Variants in METTL8 observed in about 807,000 individuals in gnomAD.
METTL8 encodes the protein tRNA N(3)-cytidine methyltransferase METTL8, mitochondrial.
A neutral mutation model predicts 48.7 loss-of-function variants in METTL8; 32 were observed. The observed-to-expected ratio is 0.66, with a 90% CI of 0.50 to 0.88. The LOEUF (loss-of-function observed/expected upper bound fraction) is 0.88. METTL8 is among the 40% of genes least tolerant of loss of function. The pLI is 0.00. For missense variants in METTL8, 464 were observed against 474.4 expected (o/e 0.98, Z 0.20); for synonymous variants, 136 against 157.1 (o/e 0.87, Z 1.01).
At chr2:171,388,098 T>A (rs181921393) in intron 2 of METTL8, among the ~76,000 whole-genome samples, 1 of 152,304 alleles carries the variant, frequency 6.6e-6, no homozygotes, top group African/African-American at 2.4e-5. Flanking sequence ...ACAAATACAT[T>A]TACCTCTTGA....
chr2:171,357,570 T>G (rs1684720102), intron 3 of METTL8, among the ~76,000 whole-genome samples: 1 of 152,126 alleles, frequency 6.6e-6, no homozygotes, highest in African/African-American at 2.4e-5. Context: ...TGCTGATGAG[T>G]CCAAATAATT....
intron 2 of METTL8, among the ~76,000 whole-genome samples, chr2:171,367,346 T>A (rs1685832289): frequency 6.6e-6 from 1 of 152,044 alleles, no homozygotes; most frequent in Non-Finnish European, 1.5e-5. Flanking sequence ...ACAATCATAA[T>A]GAAGGCAAGA....
intron 3 of METTL8, among the ~76,000 whole-genome samples, chr2:171,356,536 T>C (rs1429775850): frequency 6.6e-6 from 1 of 152,268 alleles, no homozygotes; most frequent in Non-Finnish European, 1.5e-5. Context: ...AACTGTATAT[T>C]TGTACCCATT....
At chr2:171,432,264 T>C (rs1404388469) in intron 1 of METTL8, among the ~76,000 whole-genome samples, 1 of 151,158 alleles carries the variant, frequency 6.6e-6, no homozygotes, top group African/African-American at 2.4e-5. Flanking sequence ...AAGGCAGAAA[T>C]TAAGAGACTA....
intron 5 of METTL8, among the ~76,000 whole-genome samples, chr2:171,335,635 G>A (rs999324167): frequency 6.6e-6 from 1 of 152,110 alleles, no homozygotes; most frequent in African/African-American, 2.4e-5. Context: ...ATGTTGGCCA[G>A]GCTGGTCTCA....
Position 171,356,961 on chromosome 2 carries a change from T to TTTTTGTTTTG in METTL8, c.235+3460_235+3461insCAAAACAAAA. Among the ~76,000 whole-genome samples the TTTTTGTTTTG allele has an allele frequency of 1.6e-5, 2 of 127,358 alleles. 1 individual carries two copies. The highest frequency in any genetic ancestry group is 1.6e-4 in the Admixed American group (2 of 12,284). 83.6% of individuals were successfully genotyped at this position (127,358 alleles called of 152,430 possible). ...CTTGTTCAAAGACAATATTTTTTTTTTTTTTTTTGAGACAGGGTCTTACTC... is the reference window on the plus strand; with the variant it reads ...CTTGTTCAAAGACAATATTTTTTTTTTTTTGTTTTGTTTTTTTTGAGACAGGGTCTTACTC... On this transcript the variant is annotated intron_variant, in intron 3 of 9. Transcript: ENST00000375258.
chr2:171,328,278 AT>A (rs1685167643), intron 7 of METTL8, among the ~76,000 whole-genome samples: 1 of 152,148 alleles, frequency 6.6e-6, no homozygotes, highest in Non-Finnish European at 1.5e-5. Context: ...GCTCTGTAAT[AT>A]TTTGTATTTT....
intron 3 of METTL8, among the ~76,000 whole-genome samples, chr2:171,353,553 A>C (rs1301097372): frequency 6.6e-6 from 1 of 152,092 alleles, no homozygotes; most frequent in Admixed American, 6.5e-5. Context: ...GATCTGTCTA[A>C]TGTTGACAGT....
intron 2 of METTL8, among the ~76,000 whole-genome samples, chr2:171,381,393 A>G (rs1687521251): frequency 6.6e-6 from 1 of 152,230 alleles, no homozygotes; most frequent in Non-Finnish European, 1.5e-5. Flanking sequence ...AACAAAAGCC[A>G]AAGTTGACAA....
chr2:171,360,356 T>A, intron 3 of METTL8, 66 bp downstream of exon 3: 1 of 1,338,412 alleles, frequency 7.5e-7, no homozygotes, highest in Non-Finnish European at 1.1e-6. Flanking sequence ...TCAGAAGCAA[T>A]GACACGAGGA....
chr2:171,401,871 C>T (rs1689683059), intron 1 of METTL8, among the ~76,000 whole-genome samples: 1 of 152,082 alleles, frequency 6.6e-6, no homozygotes. Flanking sequence ...AAAGTAAATC[C>T]TTTTGTATTT....
At chr2:171,394,476 G>A (rs897621095) in intron 1 of METTL8, among the ~76,000 whole-genome samples, 4 of 152,134 alleles carry the variant, frequency 2.6e-5, no homozygotes, top group Admixed American at 6.6e-5. Context: ...AACCAGATTG[G>A]ATTATTAGGC....
chr2:171,378,790 C>G (rs1430342014), intron 2 of METTL8, among the ~76,000 whole-genome samples: 1 of 152,154 alleles, frequency 6.6e-6, no homozygotes, highest in African/African-American at 2.4e-5. Flanking sequence ...GAGACTTAAA[C>G]TGCCACACAA....
intron 2 of METTL8, among the ~76,000 whole-genome samples, chr2:171,381,775 G>T (rs950325391): frequency 6.8e-6 from 1 of 147,524 alleles, no homozygotes; most frequent in African/African-American, 2.5e-5. Context: ...GGACAATTAG[G>T]AACACTTTTT....
At chr2:171,408,629 A>C (rs145561796) in intron 1 of METTL8, among the ~76,000 whole-genome samples, 5 of 152,162 alleles carry the variant, frequency 3.3e-5, no homozygotes, top group African/African-American at 1.2e-4. Flanking sequence ...TAATAGCAGA[A>C]ATATCCCTAA....
intron 7 of METTL8, among the ~76,000 whole-genome samples, chr2:171,330,307 G>C (rs928600857): frequency 6.6e-6 from 1 of 152,142 alleles, no homozygotes; most frequent in African/African-American, 2.4e-5. Context: ...ACTTTTAATA[G>C]GTATGTGTCT....
chr2:171,398,298 T>G (rs904306209), intron 1 of METTL8, among the ~76,000 whole-genome samples: 1 of 152,194 alleles, frequency 6.6e-6, no homozygotes, highest in Admixed American at 6.6e-5. Context: ...TACATATATA[T>G]GTACAATGGA....
In METTL8 at chr2:171,346,978, C is replaced by T. The variant is rs115892798; in HGVS notation, c.236-7424G>A. 7.2e-3 allele frequency among the ~76,000 whole-genome samples: 1,090 copies of T among 152,298 alleles called. 9 individuals are homozygous for T. Among genetic ancestry groups the T allele is most frequent in the Middle Eastern group, 0.01 (3 of 294 alleles). ...AAAGTATTCTTCCTTTACCACCCTC[C>T]GGGTAGCCTCAGTTATTGCTCTGTG... On this transcript the variant is annotated intron_variant, in intron 3 of 9. Transcript: ENST00000375258.
Position 171,339,526 on chromosome 2 carries a change from G to A in METTL8, c.264C>T (p.Tyr88=). 1 of 1,573,476 alleles carries A rather than the reference G, an allele frequency of 6.4e-7. No individual in the cohort carries two copies. The highest frequency in any genetic ancestry group is 8.7e-7 in the Non-Finnish European group (1 of 1,148,226). Residue 88 remains tyrosine (Y), a synonymous_variant, in exon 4 of 10, where the codon TAC becomes TAT. Transcript: ENST00000375258. ...TATGAATCTTGTAAAATGTGTCCCA[G>A]TATTTACTAGCTTCTCTCTCATACT... ...QVKYEREASK[Y]WDTFYKIHKN... is the part of the protein sequence containing the mutation.
Sources: gnomAD v4.1 joint callset for allele counts (sites outside exome capture counted in the v4.1 genomes callset) on GRCh38, gnomAD v4.1.1 for gene constraint, MANE v1.5 for transcripts, NCBI Gene and HGNC (gene_info 2026-07-23, HGNC 2026-07-21) for gene names.